Variants in UBTD2 observed in about 807,000 individuals in gnomAD.
UBTD2 encodes the protein ubiquitin domain containing 2.
A neutral mutation model predicts 19.8 loss-of-function variants in UBTD2; 9 were observed. That is an observed-to-expected ratio of 0.46 (90% CI 0.27 to 0.79). The LOEUF is 0.79. Ranked by LOEUF, UBTD2 falls within the 30% of genes least tolerant of loss-of-function variation. UBTD2 has a pLI of 0.14. For missense variants in UBTD2, 250 were observed against 300.4 expected, an observed-to-expected ratio of 0.83 and a Z score of 1.24; for synonymous variants, 98 against 103.9, an observed-to-expected ratio of 0.94 and a Z score of 0.35.
chr5:172,269,439 C>A (rs945678342), intron 1 of UBTD2, among the ~76,000 whole-genome samples: 1 of 148,842 alleles, frequency 6.7e-6, no homozygotes. Flanking sequence ...TGCAGTGAGC[C>A]GAGACTGCAC....
At chr5:172,246,909 C>T (rs10044594) in intron 1 of UBTD2, among the ~76,000 whole-genome samples, 48,725 of 150,920 alleles carry the variant, frequency 0.32, 7,944 homozygotes, top group South Asian at 0.42. Context: ...GATTGCACCA[C>T]CATTCCCTGC....
intron 1 of UBTD2, among the ~76,000 whole-genome samples, chr5:172,262,468 A>AAAAAAAAAAAAAAAAT (rs763651049): frequency 7.0e-6 from 1 of 143,116 alleles, no homozygotes. Flanking sequence ...AAAAAAAAAA[A>AAAAAAAAAAAAAAAAT]CAAGAAAATG....
intron 1 of UBTD2, among the ~76,000 whole-genome samples, chr5:172,248,630 C>T (rs549909706): frequency 2.1e-4 from 31 of 150,638 alleles, no homozygotes; most frequent in African/African-American, 6.6e-4. Flanking sequence ...GGCCTGATAA[C>T]GCTTGCCTGT....
chr5:172,229,708 A>G (rs925249151), intron 2 of UBTD2, among the ~76,000 whole-genome samples: 2 of 152,272 alleles, frequency 1.3e-5, no homozygotes, highest in East Asian at 3.9e-4. Context: ...CTTCTATATC[A>G]TAATTACAAA....
At chr5:172,252,221 C>T (rs548771701) in intron 1 of UBTD2, 2 of 152,290 alleles carry the variant, frequency 1.3e-5, no homozygotes, top group East Asian at 3.9e-4. Flanking sequence ...ACCTACCCTC[C>T]CAAAGTGAAA....
At chr5:172,228,492 G>A (rs888633306) in intron 2 of UBTD2, among the ~76,000 whole-genome samples, 39 of 152,118 alleles carry the variant, frequency 2.6e-4, no homozygotes, top group African/African-American at 8.7e-4. Flanking sequence ...AGGCCGAGGC[G>A]GGTGGATTAC....
At chr5:172,259,525 T>C (rs973757759) in intron 1 of UBTD2, among the ~76,000 whole-genome samples, 3 of 152,048 alleles carry the variant, frequency 2.0e-5, no homozygotes, top group Non-Finnish European at 2.9e-5. Flanking sequence ...GAAGAGACTA[T>C]ATATTAATAC....
chr5:172,255,396 G>A (rs554424752), intron 1 of UBTD2: 9 of 493,956 alleles, frequency 1.8e-5, no homozygotes, highest in South Asian at 3.2e-5. Flanking sequence ...CAGGGTCCAC[G>A]GGCCTCTTGC....
At chr5:172,257,261 T>C (rs1372489781) in intron 1 of UBTD2, among the ~76,000 whole-genome samples, 1 of 152,248 alleles carries the variant, frequency 6.6e-6, no homozygotes, top group Non-Finnish European at 1.5e-5. Context: ...TCTGTGTTAA[T>C]TCACTTAGGA....
At chr5:172,235,876 G>C (rs1037450765) in intron 1 of UBTD2, among the ~76,000 whole-genome samples, 13 of 152,126 alleles carry the variant, frequency 8.5e-5, no homozygotes, top group African/African-American at 3.1e-4. Context: ...AGAGTGGGTG[G>C]GAAATAAATG....
chr5:172,244,590 G>A (rs1477839025), intron 1 of UBTD2, among the ~76,000 whole-genome samples: 9 of 151,874 alleles, frequency 5.9e-5, no homozygotes, highest in Non-Finnish European at 1.2e-4. Context: ...AAGCCACTGC[G>A]CCCGGCCCCT....
chr5:172,229,500 CAAAAAAAAAAAAAAA>C (rs5873303), intron 2 of UBTD2, among the ~76,000 whole-genome samples: 1 of 57,226 alleles, frequency 1.7e-5, no homozygotes, highest in African/African-American at 7.2e-5. Context: ...GACTCCGTCT[CAAAAAAAAAAAAAAA>C]AAAAAAAAAA....
In UBTD2 at chr5:172,210,020, A is replaced by G. The variant is rs1000123292; in HGVS notation, c.*1810T>C. The G allele has an allele frequency of 3.9e-5, 6 of 152,196 alleles. No homozygotes were observed. The highest frequency in any genetic ancestry group is 1.2e-4 in the African/African-American group (5 of 41,446). 9.4% of individuals were successfully genotyped at this position (152,196 alleles called of 1,614,324 possible). ...GGCACACAAATGAACAAAAACTTTG[A>G]TGACAGGAGCAATATACTGATTTAC... On this transcript the variant is annotated 3_prime_UTR_variant, in exon 3 of 3. Transcript: ENST00000393792.
intron 1 of UBTD2, among the ~76,000 whole-genome samples, chr5:172,264,583 A>C (rs1010201506): frequency 2.7e-5 from 4 of 150,902 alleles, no homozygotes; most frequent in East Asian, 1.9e-4. Context: ...AAAACAAAAC[A>C]ACCCAAGGGG....
intron 2 of UBTD2, among the ~76,000 whole-genome samples, chr5:172,232,395 C>T (rs1182624773): frequency 6.7e-6 from 1 of 149,750 alleles, no homozygotes; most frequent in Non-Finnish European, 1.5e-5. Flanking sequence ...CACTTTTATA[C>T]ATGTATAGAA....
At chr5:172,241,322 T>C (rs1325174970) in intron 1 of UBTD2, among the ~76,000 whole-genome samples, 1 of 150,396 alleles carries the variant, frequency 6.6e-6, no homozygotes, top group Non-Finnish European at 1.5e-5. Flanking sequence ...GGCAGGAAAA[T>C]CGCTTGAACC....
intron 1 of UBTD2, among the ~76,000 whole-genome samples, chr5:172,258,844 T>C (rs544972811): frequency 8.5e-4 from 130 of 152,298 alleles, no homozygotes; most frequent in African/African-American, 3.0e-3. Flanking sequence ...TCTAGGAGCT[T>C]TTGGGCAGAC....
In UBTD2 at chr5:172,234,292, G is replaced by T. The variant is rs751480077; in HGVS notation, c.137C>A (p.Thr46Lys). ...KPKWKSDYPM[T>K]DGQLRSKRDE... Reference sequence around the variant, plus strand: ...CCTCTTGCTGCGTAGTTGTCCATCTGTCATAGGATAATCGCTTTTCCATTT... The same window carrying T: ...CCTCTTGCTGCGTAGTTGTCCATCTTTCATAGGATAATCGCTTTTCCATTT... Residue 46 changes from threonine to lysine, a missense_variant, in exon 2 of 3, where the codon ACA (threonine) becomes AAA (lysine). By Grantham distance (78) the Thr-to-Lys change is moderately conservative. Transcript: ENST00000393792. The T allele has an allele frequency of 6.2e-7, 1 of 1,614,168 alleles. No homozygotes were observed. The highest frequency in any genetic ancestry group is 8.5e-7 in the Non-Finnish European group (1 of 1,180,046).
rs755574516 is a variant in UBTD2, at chr5:172,211,957, C to T, written c.578G>A (p.Arg193Gln). The change falls in exon 3 of 3, where the codon CGG (arginine) becomes CAG (glutamine). Residue 193 changes from arginine to glutamine, a missense_variant. Coordinates refer to ENST00000393792, the MANE Select transcript of UBTD2 (RefSeq NM_152277.3). The part of the protein sequence containing the change: ...AAEGVEPGSQ[R>Q]WFFSGRPLTD... ...GAGAGGTCTGCCAGAAAAAAACCAC[C>T]GCTGACTACCTGGTTCCACTCCCTC... 2 of 1,614,178 alleles carry T rather than the reference C, an allele frequency of 1.2e-6. No homozygotes were observed. Among genetic ancestry groups the T allele is most frequent in the East Asian group, 2.2e-5 (1 of 44,878 alleles).
Sources: gnomAD v4.1 joint callset for allele counts (sites outside exome capture counted in the v4.1 genomes callset) on GRCh38, gnomAD v4.1.1 for gene constraint, MANE v1.5 for transcripts, NCBI Gene and HGNC (gene_info 2026-07-23, HGNC 2026-07-21) for gene names.